NRG3: variants seen among roughly 807,000 people sequenced by gnomAD.
NRG3 encodes the protein neuregulin 3.
NRG3 carries 31 observed loss-of-function variants against 66.9 expected under a neutral mutation model. The observed-to-expected ratio is 0.46, with a 90% CI of 0.35 to 0.63. The LOEUF (loss-of-function observed/expected upper bound fraction) is 0.63, where lower values mean the gene tolerates loss of function less well. NRG3 is among the 20% of genes least tolerant of loss of function. The pLI, the probability that NRG3 is intolerant of heterozygous loss-of-function variation, is 0.00. For synonymous variants in NRG3, 393 were observed against 359.4 expected (o/e 1.09, Z -1.06); for missense variants, 910 against 878.9 (o/e 1.04, Z -0.45).
intron 1 of NRG3, among the ~76,000 whole-genome samples, chr10:82,067,329 C>A (rs2064535675): frequency 6.6e-6 from 1 of 152,100 alleles, no homozygotes; most frequent in Non-Finnish European, 1.5e-5. Flanking sequence ...TCCCACTCTA[C>A]TTTTGTTCCC....
At chr10:82,315,044 T>G (rs1337577739) in intron 1 of NRG3, among the ~76,000 whole-genome samples, 3 of 152,198 alleles carry the variant, frequency 2.0e-5, no homozygotes, top group Non-Finnish European at 4.4e-5. Flanking sequence ...ATTATGGTAA[T>G]AAATATAGAT....
intron 1 of NRG3, among the ~76,000 whole-genome samples, chr10:81,931,022 G>T (rs1847295032): frequency 6.6e-6 from 1 of 152,158 alleles, no homozygotes; most frequent in South Asian, 2.1e-4. Context: ...AGTCCCTGGA[G>T]ACCCTCCCTG....
rs146826050 is a variant in NRG3, at chr10:82,085,444, A to G, written c.823+209281A>G. On this transcript the variant is annotated intron_variant, in intron 1 of 8. Transcript: ENST00000372141. ...TATTTATATTGTTCTGGGGGCTGAG[A>G]AATCCAAGGTCAAGGGGCTCACATC... Among the ~76,000 whole-genome samples, 33 of 152,162 alleles carry G rather than the reference A, an allele frequency of 2.2e-4. 1 individual carries two copies. Among genetic ancestry groups the G allele is most frequent in the African/African-American group, 8.0e-4 (33 of 41,474 alleles).
intron 1 of NRG3, among the ~76,000 whole-genome samples, chr10:82,115,532 G>T (rs145936475): frequency 7.8e-4 from 119 of 152,168 alleles, no homozygotes; most frequent in African/African-American, 2.6e-3. Flanking sequence ...CATCATTCCA[G>T]CTCCTGTGAC....
chr10:82,068,602 A>G (rs530997012), intron 1 of NRG3, among the ~76,000 whole-genome samples: 58 of 152,216 alleles, frequency 3.8e-4, no homozygotes, highest in Admixed American at 1.3e-4. Context: ...AGGGGTTTCA[A>G]TGAAGGCTTG....
At chr10:81,957,744 A>G (rs1472427395) in intron 1 of NRG3, among the ~76,000 whole-genome samples, 1 of 152,192 alleles carries the variant, frequency 6.6e-6, no homozygotes, top group Non-Finnish European at 1.5e-5. Context: ...TTAAGTTAGC[A>G]CCACTTGATA....
chr10:81,990,461 G>A (rs1053913190), intron 1 of NRG3, among the ~76,000 whole-genome samples: 1 of 152,124 alleles, frequency 6.6e-6, no homozygotes, highest in African/African-American at 2.4e-5. Flanking sequence ...TGTAGAAACT[G>A]TAACTATTTT....
rs553009978 is a variant in NRG3, at chr10:82,580,132, A to G, written c.954-158445A>G. Among the ~76,000 whole-genome samples the G allele has an allele frequency of 3.1e-4, 47 of 152,082 alleles. 1 individual carries two copies. In the South Asian group the frequency reaches 9.3e-3, roughly 30 times the overall value. ...AGCTGAATAGTTGTTATACTTCATT[A>G]TTTATTGGTATTATTATTTTCTATG... On this transcript the variant is annotated intron_variant, in intron 2 of 8. Coordinates refer to ENST00000372141, the MANE Select transcript of NRG3 (RefSeq NM_001010848.4).
At chr10:82,855,286 AAC>A (rs2063748485) in intron 3 of NRG3, among the ~76,000 whole-genome samples, 1 of 152,178 alleles carries the variant, frequency 6.6e-6, no homozygotes, top group Non-Finnish European at 1.5e-5. Flanking sequence ...CACATATATA[AAC>A]ACATGGCTGT....
chr10:82,862,420 A>G (rs1004510240), intron 3 of NRG3, among the ~76,000 whole-genome samples: 2 of 152,216 alleles, frequency 1.3e-5, no homozygotes, highest in African/African-American at 4.8e-5. Context: ...TTTAATATCA[A>G]AAAACACCCC....
intron 1 of NRG3, among the ~76,000 whole-genome samples, chr10:82,092,416 A>G (rs752247580): frequency 1.3e-5 from 2 of 152,148 alleles, no homozygotes; most frequent in African/African-American, 2.4e-5. Context: ...ATGCACATGC[A>G]CATTCCTCAA....
intron 5 of NRG3, among the ~76,000 whole-genome samples, chr10:82,957,908 G>A (rs1449913313): frequency 6.6e-6 from 1 of 152,136 alleles, no homozygotes; most frequent in East Asian, 1.9e-4. Flanking sequence ...GTGTGTGTGT[G>A]TGTGTGTGTG....
At chr10:82,319,045 G>A (rs2081428685) in intron 1 of NRG3, among the ~76,000 whole-genome samples, 1 of 152,164 alleles carries the variant, frequency 6.6e-6, no homozygotes, top group Non-Finnish European at 1.5e-5. Context: ...ATATTGGTGT[G>A]AGAACAAAAA....
chr10:82,634,146 A>G (rs1325938849), intron 2 of NRG3, among the ~76,000 whole-genome samples: 3 of 152,192 alleles, frequency 2.0e-5, no homozygotes, highest in Admixed American at 2.0e-4. Context: ...TGAATCCTCT[A>G]AATTGTAGAA....
chr10:82,079,448 A>G (rs2065271677), intron 1 of NRG3, among the ~76,000 whole-genome samples: 1 of 152,190 alleles, frequency 6.6e-6, no homozygotes, highest in Non-Finnish European at 1.5e-5. Context: ...CCACATTATC[A>G]ATATCCTCCA....
chr10:82,306,683 G>A (rs531354242), intron 1 of NRG3, among the ~76,000 whole-genome samples: 121 of 126,850 alleles, frequency 9.5e-4, no homozygotes, highest in Non-Finnish European at 2.2e-4. Context: ...CAGCCTGGGC[G>A]ACAGAGTGAG....
chr10:82,453,702 G>A (rs1322421012), intron 2 of NRG3, among the ~76,000 whole-genome samples: 1 of 151,374 alleles, frequency 6.6e-6, no homozygotes, highest in African/African-American at 2.4e-5. Context: ...AAAAAACCTA[G>A]TTTGAACTTA....
At chr10:82,448,953 C>T (rs1002566811) in intron 2 of NRG3, among the ~76,000 whole-genome samples, 1 of 152,180 alleles carries the variant, frequency 6.6e-6, no homozygotes, top group African/African-American at 2.4e-5. Context: ...CTTAGCTCTG[C>T]AATTTCTCAA....
At chr10:82,462,961 T>C (rs2091589807) in intron 2 of NRG3, among the ~76,000 whole-genome samples, 1 of 152,158 alleles carries the variant, frequency 6.6e-6, no homozygotes. Flanking sequence ...ATAGGGCTGG[T>C]CTTGAACCCA....
Sources: allele counts gnomAD v4.1 joint callset (sites outside exome capture counted in the v4.1 genomes callset), GRCh38; gene constraint gnomAD v4.1.1; transcripts MANE v1.5; gene names NCBI Gene and HGNC (gene_info 2026-07-23, HGNC 2026-07-21).